Variants in SOX5 observed in about 807,000 individuals in gnomAD.
SOX5 encodes SRY-box transcription factor 5.
SOX5 carries 9 observed loss-of-function variants against 92.0 expected under a neutral mutation model. The observed-to-expected ratio is 0.10, with a 90% CI of 0.06 to 0.17. SOX5 has a LOEUF of 0.17. SOX5 is among the 10% of genes least tolerant of loss of function. SOX5 has a pLI of 1.00. For synonymous variants in SOX5, 344 were observed against 336.3 expected (o/e 1.02, Z -0.25); for missense variants, 642 against 944.5 (o/e 0.68, Z 4.20).
At chr12:24,262,854 G>A (rs1250868450) in intron 3 of SOX5, among the ~76,000 whole-genome samples, 3 of 152,164 alleles carry the variant, frequency 2.0e-5, no homozygotes, top group Non-Finnish European at 4.4e-5. Flanking sequence ...TAGGTAGTAG[G>A]CATATCTGAA....
chr12:24,335,498 A>C (rs1174178571), intron 2 of SOX5, among the ~76,000 whole-genome samples: 2 of 152,210 alleles, frequency 1.3e-5, no homozygotes, highest in Non-Finnish European at 2.9e-5. Context: ...CAGCATAGGA[A>C]ACTGAAGATA....
chr12:24,077,345 T>A (rs968575355), intron 4 of SOX5, among the ~76,000 whole-genome samples: 2 of 152,112 alleles, frequency 1.3e-5, no homozygotes, highest in African/African-American at 4.8e-5. Flanking sequence ...CTGAAAACCT[T>A]TGGAGACTGG....
intron 4 of SOX5, among the ~76,000 whole-genome samples, chr12:23,968,317 C>T (rs1469032717): frequency 6.6e-6 from 1 of 152,202 alleles, no homozygotes; most frequent in African/African-American, 2.4e-5. Flanking sequence ...CCAGTGGAAA[C>T]TCTTCAAGTC....
chr12:24,070,378 C>T (rs915304811), intron 4 of SOX5, among the ~76,000 whole-genome samples: 3 of 152,070 alleles, frequency 2.0e-5, no homozygotes, highest in Non-Finnish European at 4.4e-5. Flanking sequence ...AAAAATAATG[C>T]TCCATAATGG....
intron 2 of SOX5, chr12:24,357,281 A>C (rs1190212752): frequency 6.6e-6 from 1 of 152,170 alleles, no homozygotes; most frequent in Non-Finnish European, 1.5e-5. Context: ...AAGAGAAACA[A>C]GACTTTAGGA....
At chr12:24,455,324 T>C (rs757020130) in intron 1 of SOX5, among the ~76,000 whole-genome samples, 2 of 152,214 alleles carry the variant, frequency 1.3e-5, no homozygotes, top group Non-Finnish European at 2.9e-5. Flanking sequence ...AGTTCCAAAG[T>C]GGCTGATTTT....
In SOX5 at chr12:23,584,499, C is replaced by T. The variant is rs78375720; in HGVS notation, c.1165-8661G>A. 785 of 1,279,746 alleles carry T rather than the reference C, an allele frequency of 6.1e-4. 3 individuals carry two copies. In the East Asian group the frequency reaches 6.5e-3, roughly 11 times the overall value. 79.3% of individuals were successfully genotyped at this position (1,279,746 alleles called of 1,614,324 possible). The stretch of plus-strand genomic sequence containing the variant: ...ATCATTATGCATAAGTCATTTATTA[C>T]GAGCTCCAATTAATTACATCAAAGA... On this transcript the variant is annotated intron_variant, in intron 9 of 14. Transcript: ENST00000451604.
intron 7 of SOX5, among the ~76,000 whole-genome samples, chr12:23,656,205 G>T (rs1170532561): frequency 1.3e-5 from 2 of 150,296 alleles, no homozygotes; most frequent in Non-Finnish European, 3.0e-5. Context: ...TTTTCTGATA[G>T]AATTCATTAA....
At chr12:24,041,618 T>C in intron 4 of SOX5, among the ~76,000 whole-genome samples, 1 of 152,158 alleles carries the variant, frequency 6.6e-6, no homozygotes, top group Non-Finnish European at 1.5e-5. Context: ...CTGCAAACAA[T>C]AAGTAACTTT....
At chr12:24,337,642 T>G (rs186671432) in intron 2 of SOX5, among the ~76,000 whole-genome samples, 3 of 152,284 alleles carry the variant, frequency 2.0e-5, no homozygotes, top group African/African-American at 7.2e-5. Context: ...ACACTCGGCC[T>G]GAATCTGAAT....
intron 2 of SOX5, among the ~76,000 whole-genome samples, chr12:24,291,038 C>T (rs946163383): frequency 2.0e-5 from 3 of 152,102 alleles, no homozygotes; most frequent in Non-Finnish European, 4.4e-5. Flanking sequence ...TTCCTCCCTT[C>T]GTATTAGGCA....
chr12:23,569,990 G>GTA (rs1278563554), intron 10 of SOX5, among the ~76,000 whole-genome samples: 1 of 152,174 alleles, frequency 6.6e-6, no homozygotes, highest in Non-Finnish European at 1.5e-5. Flanking sequence ...TAAGTTGAAA[G>GTA]TATCTGCCTT....
At chr12:23,608,665 A>T (rs1301519117) in intron 8 of SOX5, among the ~76,000 whole-genome samples, 2 of 152,188 alleles carry the variant, frequency 1.3e-5, no homozygotes, top group South Asian at 2.1e-4. Flanking sequence ...ACCTTGGGCA[A>T]CTTCTCTGAG....
chr12:24,008,401 T>C (rs1952553795), intron 4 of SOX5, among the ~76,000 whole-genome samples: 1 of 152,146 alleles, frequency 6.6e-6, no homozygotes, highest in African/African-American at 2.4e-5. Context: ...AAGAAGACTT[T>C]GACACAACAG....
At chr12:24,069,527 G>A (rs577776375) in intron 4 of SOX5, among the ~76,000 whole-genome samples, 3 of 152,232 alleles carry the variant, frequency 2.0e-5, no homozygotes, top group Admixed American at 6.5e-5. Flanking sequence ...AACCAATATC[G>A]GAAAGAGTCT....
In SOX5 at chr12:24,516,978, T is replaced by C. The variant is rs564302249; in HGVS notation, c.-251+45351A>G. Among the ~76,000 whole-genome samples the C allele has an allele frequency of 8.5e-4, 130 of 152,330 alleles. 4 individuals carry two copies. In the South Asian group the frequency reaches 0.022, roughly 26 times the overall value. On this transcript the variant is annotated intron_variant, in intron 1 of 4. Coordinates refer to the SOX5 transcript ENST00000446891. The stretch of plus-strand genomic sequence containing the variant: ...TGTAGAATTAGTCTAAAAATCTTAA[T>C]ACTTACTAAACAATAAACATGAGAA...
intron 2 of SOX5, among the ~76,000 whole-genome samples, chr12:23,861,965 C>T (rs559142436): frequency 3.3e-4 from 50 of 152,152 alleles, no homozygotes; most frequent in Admixed American, 1.3e-4. Flanking sequence ...AGTCACACTT[C>T]ATCTTTTTAA....
intron 1 of SOX5, among the ~76,000 whole-genome samples, chr12:24,433,390 ACTT>A (rs1264534288): frequency 6.6e-6 from 1 of 152,236 alleles, no homozygotes; most frequent in African/African-American, 2.4e-5. Context: ...AGTAAGTGAC[ACTT>A]CTTTTGACAA....
chr12:24,433,252 A>G (rs1223516726), intron 1 of SOX5, among the ~76,000 whole-genome samples: 19 of 152,258 alleles, frequency 1.2e-4, no homozygotes, highest in Admixed American at 1.2e-3. Flanking sequence ...TTTTAAGCAA[A>G]ATAAATGATA....
Sources: gnomAD v4.1 joint callset for allele counts (sites outside exome capture counted in the v4.1 genomes callset) on GRCh38, gnomAD v4.1.1 for gene constraint, MANE v1.5 for transcripts, NCBI Gene and HGNC (gene_info 2026-07-23, HGNC 2026-07-21) for gene names.